The following CDK11B variants were observed in gnomAD, a reference collection of about 807,000 sequenced individuals.
CDK11B encodes the protein cyclin dependent kinase 11B.
In CDK11B, 37 loss-of-function variants were observed where a neutral mutation model predicts 84.0. The observed-to-expected ratio is 0.44, with a 90% CI of 0.34 to 0.58. The LOEUF is 0.58. Ranked by LOEUF, CDK11B falls within the 20% of genes least tolerant of loss-of-function variation. The pLI, the probability that CDK11B is intolerant of heterozygous loss-of-function variation, is 0.02. For missense variants in CDK11B, 427 were observed against 834.0 expected (o/e 0.51, Z 6.01); for synonymous variants, 269 against 309.8 (o/e 0.87, Z 1.38).
At position 1,636,986 on chromosome 1, in the gene CDK11B, C is replaced by T; in HGVS notation, c.1711G>A (p.Ala571Thr). Residue 571 changes from alanine to threonine, a missense_variant, in exon 16 of 20, where the codon GCG becomes ACG. By Grantham distance (58) the Ala-to-Thr change is moderately conservative. Coordinates refer to ENST00000341832, the MANE Select transcript of CDK11B (RefSeq NM_033486.3). ...TTCAGAGGGGATCCGTACTCCCGCG[C>T]CAGCCCGAAGTCACCCACCTGCAAC... ...GILKVGDFGL[A>T]REYGSPLKAY... The T allele has an allele frequency of 6.2e-7, 1 of 1,611,796 alleles. No individual in the cohort carries two copies. The highest frequency in any genetic ancestry group is 1.1e-5 in the South Asian group (1 of 90,892).
intron 2 of CDK11B, among the ~76,000 whole-genome samples, chr1:1,656,788 A>G (rs1037577829): frequency 1.6e-4 from 24 of 152,224 alleles, no homozygotes; most frequent in Non-Finnish European, 2.9e-4. Flanking sequence ...ATGCTATTGG[A>G]AAAATGCTCA....
rs546302852 is a variant in CDK11B at position 1,636,879 on chromosome 1, C to G, written c.1800+18G>C. 1 of 1,609,562 alleles carries G rather than the reference C, an allele frequency of 6.2e-7. No homozygotes were observed. The highest frequency in any genetic ancestry group is 1.3e-5 in the African/African-American group (1 of 74,954). Reference sequence around the variant, plus strand: ...CTGCGTGGGGGACAGGGGAGGCACTCAGACGCCCAGGACTCACCTTGGCAC... The same window carrying G: ...CTGCGTGGGGGACAGGGGAGGCACTGAGACGCCCAGGACTCACCTTGGCAC... On this transcript the variant is annotated intron_variant, in intron 16 of 19. Transcript: ENST00000341832.
Position 1,649,782 on chromosome 1 carries a change from C to T in CDK11B, c.356-145G>A, listed in dbSNP as rs1266851505. ...CTGAGGTCAGGAGTTCAAGGCCATC[C>T]TGGCCAACATGGTGAAACCCCGTCT... On this transcript the variant is annotated intron_variant, in intron 4 of 19. Transcript: ENST00000341832. The T allele has an allele frequency of 5.9e-6, 4 of 681,982 alleles. No homozygotes were observed. In the Admixed American group the frequency reaches 1.2e-4, roughly 20 times the overall value. The allele number at this position is 681,982 out of a possible 1,614,324, so 42.2% of individuals were successfully genotyped here. A position where few individuals can be genotyped will look rare whatever the true frequency, so the allele number is the denominator to read the frequency against.
intron 5 of CDK11B, among the ~76,000 whole-genome samples, chr1:1,647,816 A>C (rs1175044041): frequency 6.6e-6 from 1 of 152,198 alleles, no homozygotes; most frequent in Non-Finnish European, 1.5e-5. Context: ...GCTGGTGGGC[A>C]AGGCCACTGC....
At position 1,636,783 on chromosome 1, in the gene CDK11B, C is replaced by G. The variant is rs772610257; in HGVS notation, c.1816G>C (p.Val606Leu). ...ATGCAACCCACTGACCACATGTCCA[C>G]GGCCGTGGAGTATTCCTAAGAGGTC... ...LLGAKEYSTA[V>L]DMWSVGCIFG... is the part of the protein sequence containing the mutation. The change falls in exon 17 of 20, where the codon GTG becomes CTG. Residue 606 changes from valine (V) to leucine (L), a missense_variant. Coordinates refer to ENST00000341832, the MANE Select transcript of CDK11B (RefSeq NM_033486.3). The G allele has an allele frequency of 1.2e-6, 2 of 1,613,898 alleles. No homozygotes were observed. The highest frequency in any genetic ancestry group is 8.5e-7 in the Non-Finnish European group (1 of 1,179,872).
At chr1:1,653,379 G>A (rs1376350938) in intron 3 of CDK11B, among the ~76,000 whole-genome samples, 6 of 151,854 alleles carry the variant, frequency 4.0e-5, no homozygotes, top group Non-Finnish European at 5.9e-5. Flanking sequence ...AGAGTGCAGA[G>A]GCACAATCTT....
At position 1,650,794 on chromosome 1, in the gene CDK11B, G is replaced by A. The variant is rs1331699786; in HGVS notation, c.356-1157C>T. 1.1e-4 allele frequency among the ~76,000 whole-genome samples: 17 copies of A among 149,756 alleles called. No homozygotes were observed. The East Asian group carries it at 1.2e-3, about 11-fold the overall frequency. ...CAGGCCTGGGCCACTGCACCCAGCC[G>A]AATAATCATGATTTTATGTTAAATA... On this transcript the variant is annotated intron_variant, in intron 4 of 19. Transcript: ENST00000341832.
intron 4 of CDK11B, among the ~76,000 whole-genome samples, chr1:1,650,434 C>T (rs1419476264): frequency 6.3e-5 from 9 of 142,446 alleles, no homozygotes; most frequent in East Asian, 4.2e-4. Flanking sequence ...GGCGCAATCT[C>T]GGCTCACTGC....
intron 11 of CDK11B, among the ~76,000 whole-genome samples, chr1:1,638,845 A>G (rs1325991566): frequency 6.6e-6 from 1 of 151,980 alleles, no homozygotes; most frequent in Non-Finnish European, 1.5e-5. Flanking sequence ...TCAGGCCTGT[A>G]ATTCCAGCAC....
intron 13 of CDK11B, 120 bp from the exon 14 acceptor site, chr1:1,637,633 C>T: frequency 3.1e-6 from 5 of 1,608,554 alleles, no homozygotes; most frequent in Non-Finnish European, 4.3e-6. Context: ...CAAATGCTTG[C>T]TTCTGTGTGG....
At chr1:1,650,140 G>GGC (rs1641759272) in intron 4 of CDK11B, among the ~76,000 whole-genome samples, 1 of 148,706 alleles carries the variant, frequency 6.7e-6, no homozygotes, top group African/African-American at 2.5e-5. Context: ...TGTGGTGGCG[G>GGC]GCACCTGTAG....
At chr1:1,639,396 G>A (rs1461343872) in intron 11 of CDK11B, among the ~76,000 whole-genome samples, 4 of 151,636 alleles carry the variant, frequency 2.6e-5, no homozygotes, top group Non-Finnish European at 5.9e-5. Flanking sequence ...CGGCCTGGGT[G>A]ACAGAGACAG....
chr1:1,651,970 T>G (rs1486966276), intron 4 of CDK11B, among the ~76,000 whole-genome samples: 1 of 152,018 alleles, frequency 6.6e-6, no homozygotes. Flanking sequence ...TTGCTCTGTA[T>G]AGCCCTTCTG....
At chr1:1,655,127 AC>A (rs1451342540) in intron 3 of CDK11B, among the ~76,000 whole-genome samples, 4 of 152,186 alleles carry the variant, frequency 2.6e-5, no homozygotes, top group Non-Finnish European at 2.9e-5. Flanking sequence ...AATCAGTGTA[AC>A]ACATGGCAAA....
chr1:1,653,479 C>G (rs1358492601), intron 3 of CDK11B, among the ~76,000 whole-genome samples: 2 of 151,826 alleles, frequency 1.3e-5, no homozygotes, highest in Non-Finnish European at 2.9e-5. Flanking sequence ...CACTACCATG[C>G]CAGGCTAATT....
At chr1:1,651,507 G>A (rs1373987496) in intron 4 of CDK11B, among the ~76,000 whole-genome samples, 2 of 147,366 alleles carry the variant, frequency 1.4e-5, no homozygotes, top group Non-Finnish European at 3.0e-5. Context: ...ACACATGCAC[G>A]CTTTCAGCTA....
At chr1:1,651,266 T>G (rs1641965437) in intron 4 of CDK11B, among the ~76,000 whole-genome samples, 1 of 152,152 alleles carries the variant, frequency 6.6e-6, no homozygotes, top group African/African-American at 2.4e-5. Flanking sequence ...AACAAACTGC[T>G]TCCAAACAAT....
rs557842684 is a variant in CDK11B at position 1,638,726 on chromosome 1, G to C, written c.1252-136C>G. 5.2e-4 allele frequency: 435 copies of C among 843,808 alleles called. 2 individuals carry two copies. The East Asian group carries it at 0.01, about 20-fold the overall frequency. The allele number at this position is 843,808 out of a possible 1,614,324, so 52.3% of individuals were successfully genotyped here. A position where few individuals can be genotyped will look rare whatever the true frequency, so the allele number is the denominator to read the frequency against. On this transcript the variant is annotated intron_variant, in intron 11 of 19. Transcript: ENST00000341832. ...TTGGGACTGGGCCGGGGGTGGAGCC[G>C]GGAGCAGCTCAGTTCTTTCAAAGTC...
chr1:1,654,575 G>A (rs1204883924), intron 3 of CDK11B, among the ~76,000 whole-genome samples: 3 of 151,694 alleles, frequency 2.0e-5, no homozygotes, highest in South Asian at 4.1e-4. Context: ...GAGCTGCCGC[G>A]TCCGGCCAAT....
Sources: allele counts gnomAD v4.1 joint callset (sites outside exome capture counted in the v4.1 genomes callset), GRCh38; gene constraint gnomAD v4.1.1; transcripts MANE v1.5; gene names NCBI Gene and HGNC (gene_info 2026-07-23, HGNC 2026-07-21).